Variants in COPS5 observed in about 807,000 individuals in gnomAD.
COPS5 encodes the protein COP9 signalosome subunit 5, also known as COP9 signalosome complex subunit 5.
Under a neutral mutation model 44.4 loss-of-function variants are expected in COPS5, and 8 were observed. The ratio of observed to expected loss-of-function variants is 0.18; its 90% CI spans 0.11 to 0.32. The LOEUF (loss-of-function observed/expected upper bound fraction) is 0.32. COPS5 is among the 10% of genes least tolerant of loss of function. COPS5 has a pLI of 1.00. For synonymous variants in COPS5, 122 were observed against 142.8 expected (o/e 0.85, Z 1.04); for missense variants, 159 against 406.4 (o/e 0.39, Z 5.23).
At chr8:67,051,922 A>G (rs1293289001) in intron 5 of COPS5, among the ~76,000 whole-genome samples, 2 of 152,228 alleles carry the variant, frequency 1.3e-5, no homozygotes, top group African/African-American at 4.8e-5. Flanking sequence ...TATTTTTAAG[A>G]TGTAAACTTA....
intron 6 of COPS5, among the ~76,000 whole-genome samples, chr8:67,047,423 G>A (rs1367308798): frequency 6.6e-6 from 1 of 152,082 alleles, no homozygotes; most frequent in Non-Finnish European, 1.5e-5. Context: ...AGTTTATAGA[G>A]CTATTTAAGC....
intron 6 of COPS5, among the ~76,000 whole-genome samples, chr8:67,046,824 CAAAAAAAAAAA>C (rs771868140): frequency 4.6e-5 from 2 of 43,726 alleles, no homozygotes; most frequent in South Asian, 1.3e-3. Context: ...ACTCTGTCTC[CAAAAAAAAAAA>C]AAAAAAAAAA....
At chr8:67,061,370 G>T (rs1204120879) in intron 1 of COPS5, 1 of 450,536 alleles carries the variant, frequency 2.2e-6, no homozygotes, top group Middle Eastern at 3.3e-4. Context: ...CGGGAGGATC[G>T]CTTGAAGGCA....
At chr8:67,051,392 C>A (rs573936028) in intron 5 of COPS5, 51 bp from the exon 6 acceptor site, 2 of 987,074 alleles carry the variant, frequency 2.0e-6, no homozygotes. Flanking sequence ...AATTCAACTA[C>A]GTCACATAAA....
chr8:67,057,418 C>T lies in COPS5; in HGVS notation c.535G>A (p.Gly179Arg). 1 of 1,611,442 alleles carries T rather than the reference C, an allele frequency of 6.2e-7. No individual in the cohort carries two copies. Residue 179 changes from glycine to arginine, a missense_variant, in exon 4 of 8, where the codon GGG becomes AGG. Gly to Arg is a moderately radical substitution (Grantham distance 125). This residue lies in a region of COPS5 where 134 missense variants were observed against 376.7 expected (regional missense o/e 0.36). Transcript: ENST00000357849. ...VIDPTRTISA[G>R]KVNLGAFRTY... The stretch of plus-strand genomic sequence containing the variant: ...CTAAAGGCGCCAAGATTCACTTTCC[C>T]TGCGGATATTGTTCTTGTTGGATCA...
chr8:67,060,472 A>G (rs1301396793), intron 1 of COPS5: 2 of 1,289,552 alleles, frequency 1.6e-6, no homozygotes, highest in South Asian at 1.2e-5. Flanking sequence ...CCAGATTTCA[A>G]CCAAAAGCTG....
At chr8:67,047,609 C>T (rs888670597) in intron 6 of COPS5, 28 of 444,014 alleles carry the variant, frequency 6.3e-5, no homozygotes, top group Non-Finnish European at 1.1e-4. Context: ...AGAAGTTGAA[C>T]ATATATCTAC....
chr8:67,052,918 T>TA (rs1221025105), intron 5 of COPS5, among the ~76,000 whole-genome samples: 3 of 151,462 alleles, frequency 2.0e-5, no homozygotes, highest in African/African-American at 7.3e-5. Context: ...AGTAGAGTAA[T>TA]AATACAGTCA....
At chr8:67,053,260 T>G (rs865959268) in intron 5 of COPS5, among the ~76,000 whole-genome samples, 19 of 151,768 alleles carry the variant, frequency 1.3e-4, no homozygotes, top group African/African-American at 4.4e-4. Flanking sequence ...CAGCTAATTT[T>G]TTGTATTTTT....
chr8:67,058,357 A>G lies in COPS5; in HGVS notation c.379-146T>C, dbSNP rs569121337. On this transcript the variant is annotated intron_variant, in intron 2 of 7. Coordinates refer to ENST00000357849, the MANE Select transcript of COPS5 (RefSeq NM_006837.3). ...AGCCCAGATGCGAAATCTATGGGCA[A>G]TTGCTTACCCTTACAGAGATATTCT... 9 of 674,658 alleles carry G rather than the reference A, an allele frequency of 1.3e-5. No homozygotes were observed. In the East Asian group the frequency reaches 1.9e-4, roughly 14 times the overall value. 41.8% of individuals were successfully genotyped at this position (674,658 alleles called of 1,614,324 possible).
rs374881433 is a variant in COPS5 at position 67,055,607 on chromosome 8, C to T, written c.659+912G>A. 4.7e-4 allele frequency among the ~76,000 whole-genome samples: 71 copies of T among 152,266 alleles called. 1 individual carries two copies. The highest frequency in any genetic ancestry group is 3.4e-3 in the Middle Eastern group (1 of 294). On this transcript the variant is annotated intron_variant, in intron 5 of 7. Coordinates refer to ENST00000357849, the MANE Select transcript of COPS5 (RefSeq NM_006837.3). ...CGTAGGCCGGGCACAGTGGCTCACA[C>T]CTGTAATCCCAGCACTTTGGGAGGC...
Position 67,057,448 on chromosome 8 carries a change from A to G in COPS5, c.508-3T>C, listed in dbSNP as rs1804530132. The G allele has an allele frequency of 2.5e-6, 4 of 1,598,528 alleles. No homozygotes were observed. Among genetic ancestry groups the G allele is most frequent in the Non-Finnish European group, 3.4e-6 (4 of 1,167,386 alleles). On this transcript the variant is annotated splice_region_variant and splice_polypyrimidine_tract_variant and intron_variant, in intron 3 of 7. Transcript: ENST00000357849. The stretch of plus-strand genomic sequence containing the variant: ...GATATTGTTCTTGTTGGATCAATCT[A>G]TAAGAAAGATATATTTAATATCTGC...
chr8:67,058,333 G>T, intron 2 of COPS5, 122 bp from the exon 3 acceptor site: 1 of 888,576 alleles, frequency 1.1e-6, no homozygotes, highest in African/African-American at 1.7e-5. Flanking sequence ...ACTTTTCTCA[G>T]CCCAGATGCG....
intron 6 of COPS5, among the ~76,000 whole-genome samples, chr8:67,050,001 C>CTT (rs548690353): frequency 2.8e-4 from 39 of 138,706 alleles, no homozygotes; most frequent in East Asian, 4.1e-4. Flanking sequence ...GTGATACTCT[C>CTT]TTTTTTTTTT....
intron 5 of COPS5, among the ~76,000 whole-genome samples, chr8:67,055,510 A>G (rs1488104155): frequency 1.3e-5 from 2 of 152,156 alleles, no homozygotes; most frequent in Non-Finnish European, 2.9e-5. Flanking sequence ...AACTGTCCCC[A>G]TTGGCTTCTT....
Position 67,045,799 on chromosome 8 carries a change from G to A in COPS5, c.920+13C>T. 6.2e-7 allele frequency: 1 copy of A among 1,613,944 alleles called. No homozygotes were observed. ...AGTTAGGGGCAACAGGAATCTTATA[G>A]ATTTACTCTTACCTGTCTCTTGTAG... On this transcript the variant is annotated intron_variant, in intron 7 of 7. Transcript: ENST00000357849.
chr8:67,054,207 CAGAA>C (rs1232184614), intron 5 of COPS5, among the ~76,000 whole-genome samples: 1 of 151,806 alleles, frequency 6.6e-6, no homozygotes, highest in Non-Finnish European at 1.5e-5. Context: ...TTAAGGAAGA[CAGAA>C]GGATAAACTA....
intron 5 of COPS5, among the ~76,000 whole-genome samples, chr8:67,052,752 A>G (rs112430558): frequency 0.12 from 18,023 of 149,080 alleles, 2,161 homozygotes; most frequent in African/African-American, 0.31. Flanking sequence ...CCCGGGAGGC[A>G]GAGGTTGAAG....
rs1804409018 is a variant in COPS5 at position 67,051,242 on chromosome 8, A to G, written c.759T>C (p.Ser253=). The G allele has an allele frequency of 6.3e-7, 1 of 1,596,634 alleles. No homozygotes were observed. Among genetic ancestry groups the G allele is most frequent in the African/African-American group, 1.3e-5 (1 of 74,620 alleles). Residue 253 remains serine, a synonymous_variant, in exon 6 of 8, where the codon TCT becomes TCC. Coordinates refer to ENST00000357849, the MANE Select transcript of COPS5 (RefSeq NM_006837.3). ...GTATAGTACTTACAGTAAGCAAGCT[A>G]GAAGAACTCAACGTATTCACCCAGT... ...NKYWVNTLSS[S]SLLTNADYTT...
Sources: gnomAD v4.1 joint callset for allele counts (sites outside exome capture counted in the v4.1 genomes callset) on GRCh38, gnomAD v4.1.1 for gene constraint, gnomAD v4.1.1 regional missense constraint, MANE v1.5 for transcripts, NCBI Gene and HGNC (gene_info 2026-07-23, HGNC 2026-07-21) for gene names.